The following TBC1D22A variants were observed in gnomAD, a reference collection of about 807,000 sequenced individuals.
TBC1D22A encodes the protein TBC1 domain family member 22A.
Under a neutral mutation model 60.2 loss-of-function variants are expected in TBC1D22A, and 38 were observed. That is an observed-to-expected ratio of 0.63 (90% confidence interval 0.49 to 0.83). The LOEUF (loss-of-function observed/expected upper bound fraction) is 0.83, where lower values mean the gene tolerates loss of function less well. TBC1D22A is among the 40% of genes least tolerant of loss of function. The pLI is 0.00. For missense variants in TBC1D22A, 628 were observed against 701.0 expected, an observed-to-expected ratio of 0.90 and a Z score of 1.18; for synonymous variants, 302 against 281.7, an observed-to-expected ratio of 1.07 and a Z score of -0.72.
intron 12 of TBC1D22A, among the ~76,000 whole-genome samples, chr22:47,138,862 C>T (rs1421099459): frequency 6.6e-6 from 1 of 152,224 alleles, no homozygotes; most frequent in Non-Finnish European, 1.5e-5. Flanking sequence ...CTCGGCGTCT[C>T]CTTCATAGAG....
chr22:47,158,498 A>C (rs4823602), intron 12 of TBC1D22A, among the ~76,000 whole-genome samples: 101,532 of 152,006 alleles, frequency 0.67, 34,655 homozygotes, highest in African/African-American at 0.79. Context: ...AAGCCCTGGG[A>C]TACCCAGCCC....
intron 8 of TBC1D22A, among the ~76,000 whole-genome samples, chr22:46,922,024 G>A (rs533874082): frequency 6.6e-6 from 1 of 152,260 alleles, no homozygotes; most frequent in South Asian, 2.1e-4. Flanking sequence ...TACAGTTTTA[G>A]GTTTTACATG....
chr22:46,838,387 A>G (rs1602089229), intron 4 of TBC1D22A, among the ~76,000 whole-genome samples: 1 of 152,238 alleles, frequency 6.6e-6, no homozygotes, highest in African/African-American at 2.4e-5. Context: ...TGAACAAACC[A>G]ATAATGAAAA....
intron 8 of TBC1D22A, among the ~76,000 whole-genome samples, chr22:46,938,060 C>G (rs1250291691): frequency 2.0e-5 from 3 of 152,038 alleles, no homozygotes; most frequent in Non-Finnish European, 4.4e-5. Context: ...GTCGTGTGGC[C>G]TAAGTGCACA....
chr22:47,016,210 C>A (rs1020903668), intron 10 of TBC1D22A, among the ~76,000 whole-genome samples: 4 of 152,146 alleles, frequency 2.6e-5, no homozygotes, highest in Non-Finnish European at 4.4e-5. Context: ...TTGTTTCAGC[C>A]CTGGGAACTT....
chr22:46,792,951 C>G, intron 2 of TBC1D22A: 1 of 1,152,528 alleles, frequency 8.7e-7, no homozygotes, highest in Non-Finnish European at 1.2e-6. Context: ...CCTGTCCTGG[C>G]CCCTCCACAG....
intron 5 of TBC1D22A, among the ~76,000 whole-genome samples, chr22:46,891,015 T>C (rs1021192773): frequency 6.6e-6 from 1 of 152,168 alleles, no homozygotes; most frequent in Non-Finnish European, 1.5e-5. Context: ...GGGGAGGGCC[T>C]GCACCGGGAG....
chr22:46,926,772 C>T (rs986255149), intron 8 of TBC1D22A, among the ~76,000 whole-genome samples: 1 of 152,174 alleles, frequency 6.6e-6, no homozygotes, highest in East Asian at 1.9e-4. Flanking sequence ...TCCTAGCCTG[C>T]TAGCCTACCC....
intron 5 of TBC1D22A, among the ~76,000 whole-genome samples, 200 bp from the exon 6 acceptor site, chr22:46,891,064 CGG>C (rs2068375819): frequency 6.6e-6 from 1 of 151,856 alleles, no homozygotes; most frequent in Non-Finnish European, 1.5e-5. Flanking sequence ...TGAGTGCTGT[CGG>C]GAGTGGTGCT....
intron 8 of TBC1D22A, among the ~76,000 whole-genome samples, chr22:46,937,790 G>A (rs986285237): frequency 2.0e-5 from 3 of 151,812 alleles, no homozygotes; most frequent in Non-Finnish European, 4.4e-5. Flanking sequence ...CTGACCCTGT[G>A]TAGGCCTAGG....
At chr22:47,012,025 C>T (rs1170182627) in intron 10 of TBC1D22A, among the ~76,000 whole-genome samples, 1 of 152,080 alleles carries the variant, frequency 6.6e-6, no homozygotes, top group Non-Finnish European at 1.5e-5. Context: ...CCACCCCGCC[C>T]CCAGCTGATT....
intron 12 of TBC1D22A, among the ~76,000 whole-genome samples, chr22:47,138,614 A>G (rs997618776): frequency 1.3e-5 from 2 of 152,216 alleles, no homozygotes; most frequent in African/African-American, 4.8e-5. Context: ...GGTGGGTCTT[A>G]GGGTGTTTGC....
At chr22:47,144,664 G>A (rs564347918) in intron 12 of TBC1D22A, among the ~76,000 whole-genome samples, 47 of 152,350 alleles carry the variant, frequency 3.1e-4, no homozygotes, top group African/African-American at 1.0e-3. Context: ...GCACTGGCGG[G>A]ACTTCACGGG....
intron 9 of TBC1D22A, among the ~76,000 whole-genome samples, chr22:46,981,300 A>G (rs1170355539): frequency 1.3e-5 from 2 of 152,160 alleles, no homozygotes; most frequent in Admixed American, 6.5e-5. Context: ...TCGTTGTAAT[A>G]TTAGTTCATT....
chr22:46,965,042 G>T (rs2073731270), intron 8 of TBC1D22A, among the ~76,000 whole-genome samples: 1 of 152,218 alleles, frequency 6.6e-6, no homozygotes, highest in South Asian at 2.1e-4. Flanking sequence ...GATTGATGAG[G>T]AAAGGGACTT....
At chr22:46,858,407 G>A (rs1299252022) in intron 4 of TBC1D22A, among the ~76,000 whole-genome samples, 6 of 152,200 alleles carry the variant, frequency 3.9e-5, no homozygotes, top group African/African-American at 1.4e-4. Flanking sequence ...GCTGGAGGCA[G>A]CCGACAGCAG....
intron 11 of TBC1D22A, among the ~76,000 whole-genome samples, chr22:47,091,659 C>CT (rs1191566785): frequency 3.3e-5 from 5 of 152,154 alleles, no homozygotes; most frequent in Admixed American, 3.3e-4. Flanking sequence ...ACCTGGCAGG[C>CT]TGCTTCAGCC....
intron 4 of TBC1D22A, among the ~76,000 whole-genome samples, chr22:46,819,535 A>T (rs577167728): frequency 6.6e-6 from 1 of 152,300 alleles, no homozygotes; most frequent in African/African-American, 2.4e-5. Context: ...GTGATGGATT[A>T]TGTTTATTGA....
intron 10 of TBC1D22A, among the ~76,000 whole-genome samples, chr22:47,005,198 A>G (rs1289725618): frequency 6.6e-6 from 1 of 151,644 alleles, no homozygotes; most frequent in African/African-American, 2.4e-5. Flanking sequence ...CACACCTGCT[A>G]TATATCCACA....
Sources: gnomAD v4.1 joint callset for allele counts (sites outside exome capture counted in the v4.1 genomes callset) on GRCh38, gnomAD v4.1.1 for gene constraint, MANE v1.5 for transcripts, NCBI Gene and HGNC (gene_info 2026-07-23, HGNC 2026-07-21) for gene names.